EPB41L4A: variants seen among roughly 807,000 people sequenced by gnomAD.
EPB41L4A encodes the protein erythrocyte membrane protein band 4.1 like 4A.
In EPB41L4A, 100 loss-of-function variants were observed where a neutral mutation model predicts 108.6. The ratio of observed to expected loss-of-function variants is 0.92; its 90% CI spans 0.78 to 1.09. The LOEUF is 1.09. Among genes scored for constraint, EPB41L4A ranks in the 50% least tolerant of loss-of-function variants. The probability of loss-of-function intolerance (pLI) is 0.00; values close to 1 mark genes in which losing one functional copy is unlikely to be tolerated. For missense variants in EPB41L4A, 1,030 were observed against 842.7 expected (o/e 1.22, Z -2.75); for synonymous variants, 319 against 289.0 (o/e 1.10, Z -1.05).
intron 2 of EPB41L4A, among the ~76,000 whole-genome samples, chr5:112,294,717 G>A (rs1753882227): frequency 6.6e-6 from 1 of 151,972 alleles, no homozygotes; most frequent in Non-Finnish European, 1.5e-5. Flanking sequence ...CAGCTAAGGA[G>A]CTGCAGGTAG....
At chr5:112,396,036 G>A (rs1761319047) in intron 1 of EPB41L4A, among the ~76,000 whole-genome samples, 1 of 152,068 alleles carries the variant, frequency 6.6e-6, no homozygotes, top group African/African-American at 2.4e-5. Flanking sequence ...ACTCATAGGT[G>A]GGAACTGAAC....
chr5:112,171,895 G>A lies in EPB41L4A; in HGVS notation c.1623-903C>T, dbSNP rs1362242966. On this transcript the variant is annotated intron_variant, in intron 18 of 22. Transcript: ENST00000261486. ...AGCCACTGATCCTATGGAATTGTAT[G>A]TGATTAATCTGTATTAGCATTTGGG... 2.0e-5 allele frequency among the ~76,000 whole-genome samples: 3 copies of A among 152,184 alleles called. 1 individual carries two copies. Among genetic ancestry groups the A allele is most frequent in the Admixed American group, 1.3e-4 (2 of 15,288 alleles).
chr5:112,366,605 C>G (rs753226676), intron 1 of EPB41L4A, among the ~76,000 whole-genome samples: 1 of 151,990 alleles, frequency 6.6e-6, no homozygotes, highest in Non-Finnish European at 1.5e-5. Flanking sequence ...GGGAGGACAC[C>G]GAGAAATAAG....
intron 1 of EPB41L4A, among the ~76,000 whole-genome samples, chr5:112,416,877 T>C (rs1762745855): frequency 1.3e-5 from 2 of 152,192 alleles, no homozygotes; most frequent in South Asian, 2.1e-4. Flanking sequence ...ATATATTTAA[T>C]TTAGTACACG....
At chr5:112,265,038 G>GT (rs1561523810) in intron 5 of EPB41L4A, 22 bp from the exon 6 acceptor site, 4 of 1,534,822 alleles carry the variant, frequency 2.6e-6, no homozygotes, top group African/African-American at 2.8e-5. Flanking sequence ...AGATAACATA[G>GT]TTTTTTCCAT....
rs764691535 is a variant in EPB41L4A at position 112,419,053 on chromosome 5, G to A, written c.-14C>T. ...GAAACAGCCCATGTCGGTTGTGGTC[G>A]TCTCCAGCCAGGAGAGAAAGCTACC... On this transcript the variant is annotated 5_prime_UTR_variant, in exon 1 of 23. The change creates a new upstream start codon in the 5' untranslated region. Coordinates refer to ENST00000261486, the MANE Select transcript of EPB41L4A (RefSeq NM_022140.5). 1.9e-6 allele frequency: 3 copies of A among 1,606,482 alleles called. No individual in the cohort carries two copies. The highest frequency in any genetic ancestry group is 1.7e-5 in the Admixed American group (1 of 59,910).
intron 1 of EPB41L4A, among the ~76,000 whole-genome samples, chr5:112,385,739 C>G (rs928451954): frequency 1.3e-5 from 2 of 152,126 alleles, no homozygotes; most frequent in East Asian, 3.8e-4. Context: ...TTGGTCATAT[C>G]CAACCTCCCC....
intron 13 of EPB41L4A, among the ~76,000 whole-genome samples, chr5:112,144,985 A>T (rs1057041302): frequency 2.6e-5 from 4 of 152,150 alleles, no homozygotes; most frequent in African/African-American, 9.7e-5. Flanking sequence ...AACTTTGTTT[A>T]AAAAAAGTAA....
At chr5:112,201,773 A>G (rs1762232844) in intron 15 of EPB41L4A, among the ~76,000 whole-genome samples, 1 of 152,170 alleles carries the variant, frequency 6.6e-6, no homozygotes, top group Admixed American at 6.5e-5. Context: ...GTTCCCAAGG[A>G]GAATGCTGAG....
chr5:112,280,125 C>A (rs1323643080), intron 3 of EPB41L4A, 147 bp downstream of exon 3: 3 of 725,716 alleles, frequency 4.1e-6, no homozygotes, highest in Admixed American at 4.0e-5. Flanking sequence ...GCAATGCACA[C>A]AATACACACA....
chr5:112,294,000 A>G (rs1753826293), intron 2 of EPB41L4A, among the ~76,000 whole-genome samples: 1 of 152,200 alleles, frequency 6.6e-6, no homozygotes, highest in Admixed American at 6.5e-5. Context: ...ACAGTTACAC[A>G]TGACATTGTT....
At chr5:112,178,476 G>C (rs1760984506) in intron 18 of EPB41L4A, among the ~76,000 whole-genome samples, 1 of 151,976 alleles carries the variant, frequency 6.6e-6, no homozygotes, top group Non-Finnish European at 1.5e-5. Flanking sequence ...CAGTAACTGA[G>C]ACTCCTCATT....
downstream of EPB41L4A, chr5:112,161,439 A>G (rs1580341023): frequency 2.0e-6 from 1 of 492,864 alleles, no homozygotes; most frequent in East Asian, 5.6e-5. Flanking sequence ...CATTACTGTC[A>G]GCCAGTCAGC....
At chr5:112,365,973 G>A (rs573016883) in intron 1 of EPB41L4A, among the ~76,000 whole-genome samples, 22 of 152,122 alleles carry the variant, frequency 1.4e-4, no homozygotes, top group African/African-American at 4.8e-4. Context: ...ATTCAACAAC[G>A]AAAAAAGCCC....
At chr5:112,280,684 G>C (rs1438997981) in intron 2 of EPB41L4A, among the ~76,000 whole-genome samples, 1 of 152,166 alleles carries the variant, frequency 6.6e-6, no homozygotes, top group Non-Finnish European at 1.5e-5. Context: ...GACGTTGGAA[G>C]AGAGGCAAAG....
At chr5:112,161,896 C>T (rs1759929639), downstream of EPB41L4A, 1 of 193,498 alleles carries the variant, frequency 5.2e-6, no homozygotes, top group Non-Finnish European at 1.1e-5. Context: ...CTGTCTGTAG[C>T]TATTAAGGTG....
At chr5:112,376,126 C>G (rs1385639459) in intron 1 of EPB41L4A, among the ~76,000 whole-genome samples, 1 of 152,114 alleles carries the variant, frequency 6.6e-6, no homozygotes. Flanking sequence ...AACTACATAT[C>G]CAAAGAGAGG....
At chr5:112,291,898 C>T (rs1266016924) in intron 2 of EPB41L4A, among the ~76,000 whole-genome samples, 2 of 152,156 alleles carry the variant, frequency 1.3e-5, no homozygotes, top group Admixed American at 1.3e-4. Flanking sequence ...ATTAATCAAA[C>T]CCAAAGAGAA....
chr5:112,336,772 A>G (rs1255244748), intron 1 of EPB41L4A, among the ~76,000 whole-genome samples: 2 of 152,244 alleles, frequency 1.3e-5, no homozygotes, highest in Non-Finnish European at 2.9e-5. Context: ...AGCTGCAGAA[A>G]TAATGAGTAG....
Sources: gnomAD v4.1 joint callset for allele counts (sites outside exome capture counted in the v4.1 genomes callset) on GRCh38, gnomAD v4.1.1 for gene constraint, MANE v1.5 for transcripts, NCBI Gene and HGNC (gene_info 2026-07-23, HGNC 2026-07-21) for gene names.